Variants in SLC4A1 observed in about 807,000 individuals in gnomAD.
SLC4A1 encodes the protein band 3 anion transport protein.
SLC4A1 carries 29 observed loss-of-function variants against 93.1 expected under a neutral mutation model. The observed-to-expected ratio is 0.31, with a 90% CI of 0.23 to 0.42. The LOEUF (loss-of-function observed/expected upper bound fraction) is 0.42, where lower values mean the gene tolerates loss of function less well. Ranked by LOEUF, SLC4A1 falls within the 20% of genes least tolerant of loss-of-function variation. The probability of loss-of-function intolerance (pLI) is 1.00; values close to 1 mark genes in which losing one functional copy is unlikely to be tolerated. For synonymous variants in SLC4A1, 469 were observed against 497.2 expected (o/e 0.94, Z 0.76); for missense variants, 965 against 1,190.1 (o/e 0.81, Z 2.78).
rs2047431770 is a variant in SLC4A1 at position 44,260,349 on chromosome 17, G to A, written c.485+55C>T. 1.9e-6 allele frequency: 3 copies of A among 1,583,188 alleles called. No homozygotes were observed. In the South Asian group the frequency reaches 3.4e-5, roughly 18 times the overall value. ...CCGGGGGAGAACTTGGGGCAAGTGG[G>A]CTGGGGAAGTGGGCCCACTGGATAT... is the stretch of plus-strand genomic sequence containing the variant. On this transcript the variant is annotated intron_variant, in intron 6 of 19. Transcript: ENST00000262418.
rs28523743 is a variant in SLC4A1 at position 44,265,431 on chromosome 17, G to A, written c.-68-2497C>T. On this transcript the variant is annotated intron_variant, in intron 1 of 19. Transcript: ENST00000262418. ...CTCTCCCAGTCTGGAGTGCAGTGGCGCGATCTTGGCTCACTGCAAGCTCCG... is the reference window on the plus strand; with the variant it reads ...CTCTCCCAGTCTGGAGTGCAGTGGCACGATCTTGGCTCACTGCAAGCTCCG... 9.2e-3 allele frequency among the ~76,000 whole-genome samples: 1,396 copies of A among 152,188 alleles called. 23 individuals are homozygous for A. The highest frequency in any genetic ancestry group is 0.032 in the African/African-American group (1,337 of 41,500).
chr17:44,252,350 G>A (rs1390624690), intron 17 of SLC4A1, among the ~76,000 whole-genome samples: 2 of 152,030 alleles, frequency 1.3e-5, no homozygotes, highest in African/African-American at 2.4e-5. Flanking sequence ...CCTTTTTATA[G>A]GTATTACCCC....
At chr17:44,262,792 C>G (rs757498358) in intron 2 of SLC4A1, 60 bp downstream of exon 2, 10 of 1,609,774 alleles carry the variant, frequency 6.2e-6, no homozygotes, top group Admixed American at 1.7e-5. Flanking sequence ...AGATAGGAGT[C>G]TAGGACCAGG....
rs1429235411 is a variant in SLC4A1 at position 44,261,995 on chromosome 17, C to A, written c.107-359G>T. 12 of 1,204,094 alleles carry A rather than the reference C, an allele frequency of 1.0e-5. No homozygotes were observed. In the African/African-American group the frequency reaches 1.9e-4, roughly 19 times the overall value. The allele number at this position is 1,204,094 out of a possible 1,614,324, so 74.6% of individuals were successfully genotyped here. A position where few individuals can be genotyped will look rare whatever the true frequency, so the allele number is the denominator to read the frequency against. The stretch of plus-strand genomic sequence containing the variant: ...TAGGACCTCCTCCCTCCCCTGCCAC[C>A]TCTGAGACCAGACTCCCTTCTCTCC... On this transcript the variant is annotated intron_variant, in intron 3 of 19. Coordinates refer to ENST00000262418, the MANE Select transcript of SLC4A1 (RefSeq NM_000342.4).
intron 13 of SLC4A1, among the ~76,000 whole-genome samples, chr17:44,256,973 C>T (rs975585548): frequency 6.6e-6 from 1 of 151,602 alleles, no homozygotes; most frequent in African/African-American, 2.4e-5. Flanking sequence ...GACACATGTG[C>T]GAGGACACAA....
rs1567826431 is a variant in SLC4A1 at position 44,248,848 on chromosome 17, C to CA, written c.*1609_*1610insT. 2 of 115,732 alleles carry CA rather than the reference C, an allele frequency of 1.7e-5. No homozygotes were observed. The highest frequency in any genetic ancestry group is 1.1e-4 in the African/African-American group (2 of 19,026). 7.2% of individuals were successfully genotyped at this position (115,732 alleles called of 1,614,324 possible). On this transcript the variant is annotated 3_prime_UTR_variant, in exon 20 of 20. Coordinates refer to ENST00000262418, the MANE Select transcript of SLC4A1 (RefSeq NM_000342.4). ...GGCCCCCAAGGCTGATGTTTCCTTC[C>CA]GTTTTTTTTTTTTTTTTTTTTTTTT... is the stretch of plus-strand genomic sequence containing the variant.
chr17:44,259,946 A>C lies in SLC4A1; in HGVS notation c.486-14T>G. 6.2e-7 allele frequency: 1 copy of C among 1,613,404 alleles called. No homozygotes were observed. The highest frequency in any genetic ancestry group is 1.1e-5 in the South Asian group (1 of 91,074). ...TCTCCAGCGTGGCTGCAGGACGTAC[A>C]GGGGACATGGGCTGAGTAAGCTGTT... On this transcript the variant is annotated splice_polypyrimidine_tract_variant and intron_variant, in intron 6 of 19. Transcript: ENST00000262418.
chr17:44,251,728 T>TG (rs1243875144), intron 17 of SLC4A1, 140 bp from the exon 18 acceptor site: 128 of 657,754 alleles, frequency 1.9e-4, no homozygotes, highest in Admixed American at 7.3e-4. Flanking sequence ...TTCTTTTTTT[T>TG]TTTTTTTTTT....
Position 44,262,770 on chromosome 17 carries a change from C to T in SLC4A1, c.16-44G>A, listed in dbSNP as rs547173260. The T allele has an allele frequency of 2.6e-5, 42 of 1,606,690 alleles. No homozygotes were observed. In the East Asian group the frequency reaches 6.9e-4, roughly 26 times the overall value. ...GAGGCTGGGCTGTGAGGGGCTCTTCCACCCCCAACGAAGATAGGAGTCTAG... is the reference window on the plus strand; with the variant it reads ...GAGGCTGGGCTGTGAGGGGCTCTTCTACCCCCAACGAAGATAGGAGTCTAG... On this transcript the variant is annotated intron_variant, in intron 2 of 19. Coordinates refer to ENST00000262418, the MANE Select transcript of SLC4A1 (RefSeq NM_000342.4).
intron 14 of SLC4A1, 67 bp from the exon 15 acceptor site, chr17:44,255,363 C>A: frequency 8.2e-7 from 1 of 1,215,736 alleles, no homozygotes. Flanking sequence ...TTCCTCCTGC[C>A]CTATATTCAC....
chr17:44,253,683 CT>C lies in SLC4A1; in HGVS notation c.2058-313del, dbSNP rs953477764. 6.6e-5 allele frequency among the ~76,000 whole-genome samples: 10 copies of C among 151,478 alleles called. No homozygotes were observed. In the East Asian group the frequency reaches 1.5e-3, roughly 23 times the overall value. Reference sequence around the variant, plus strand: ...TCATTTTGCATTTTTTTTTCTTTTTCTTTTTTTTCCTAGAGTCTTGCTCTGT... The same window carrying C: ...TCATTTTGCATTTTTTTTTCTTTTTCTTTTTTTCCTAGAGTCTTGCTCTGT... On this transcript the variant is annotated intron_variant, in intron 16 of 19. Coordinates refer to ENST00000262418, the MANE Select transcript of SLC4A1 (RefSeq NM_000342.4).
At chr17:44,263,585 A>G (rs906544617) in intron 1 of SLC4A1, among the ~76,000 whole-genome samples, 3 of 151,578 alleles carry the variant, frequency 2.0e-5, no homozygotes, top group Non-Finnish European at 4.4e-5. Context: ...CCTCCCCCCA[A>G]TACCTCAGAC....
At chr17:44,261,926 CA>C (rs1227594647) in intron 3 of SLC4A1, 2 of 1,131,708 alleles carry the variant, frequency 1.8e-6, no homozygotes, top group Non-Finnish European at 2.3e-6. Flanking sequence ...GGGACCTCTC[CA>C]AGGTGACGGC....
chr17:44,262,591 A>G lies in SLC4A1; in HGVS notation c.106+45T>C, dbSNP rs573561106. On this transcript the variant is annotated intron_variant, in intron 3 of 19. Coordinates refer to ENST00000262418, the MANE Select transcript of SLC4A1 (RefSeq NM_000342.4). Reference sequence around the variant, plus strand: ...ACAAGTGCCCCTCCTGTCCCTGTCTAGGGCTCAGCAGCTCATCCCAGCTGA... The same window carrying G: ...ACAAGTGCCCCTCCTGTCCCTGTCTGGGGCTCAGCAGCTCATCCCAGCTGA... 7.6e-6 allele frequency: 11 copies of G among 1,450,714 alleles called. No individual in the cohort carries two copies. The Admixed American group carries it at 1.7e-4, about 22-fold the overall frequency. 89.9% of individuals were successfully genotyped at this position (1,450,714 alleles called of 1,614,324 possible).
Position 44,258,084 on chromosome 17 carries a change from C to T in SLC4A1, c.1184G>A (p.Ser395Asn). The T allele has an allele frequency of 6.2e-7, 1 of 1,614,098 alleles. No individual in the cohort carries two copies. Among genetic ancestry groups the T allele is most frequent in the Non-Finnish European group, 8.5e-7 (1 of 1,180,014 alleles). ...DIRRRYPYYL[S>N]DITDAFSPQV... Reference sequence around the variant, plus strand: ...GGGGCTGAATGCATCTGTGATGTCACTCAGGTAATAGGGGTAGCGGCGCCG... The same window carrying T: ...GGGGCTGAATGCATCTGTGATGTCATTCAGGTAATAGGGGTAGCGGCGCCG... Residue 395 changes from serine to asparagine, a missense_variant, in exon 11 of 20, where the codon AGT (serine) becomes AAT (asparagine). By Grantham distance (46) the Ser-to-Asn change is conservative. Transcript: ENST00000262418. This position sits in a 1 kb window ranked among gnomAD's most constrained non-coding sequence, Gnocchi z 6.1.
At chr17:44,264,243 T>G (rs1483949567) in intron 1 of SLC4A1, among the ~76,000 whole-genome samples, 2 of 152,162 alleles carry the variant, frequency 1.3e-5, no homozygotes, top group African/African-American at 4.8e-5. Context: ...GCAGATTGCT[T>G]GAGCTCAGGA....
rs1284635709 is a variant in SLC4A1 at position 44,249,006 on chromosome 17, C to T, written c.*1452G>A. The T allele has an allele frequency of 8.7e-6, 3 of 345,566 alleles. No homozygotes were observed. The Admixed American group carries it at 1.2e-4, about 14-fold the overall frequency. 21.4% of individuals were successfully genotyped at this position (345,566 alleles called of 1,614,324 possible). ...TTCTAAGTAGCTGGGATTACAGGTG[C>T]CTGCCACGAGACACCCAGCTAATTT... On this transcript the variant is annotated 3_prime_UTR_variant, in exon 20 of 20. Coordinates refer to ENST00000262418, the MANE Select transcript of SLC4A1 (RefSeq NM_000342.4).
Position 44,251,714 on chromosome 17 carries a change from T to C in SLC4A1, c.2312-126A>G, listed in dbSNP as rs1280999243. On this transcript the variant is annotated intron_variant, in intron 17 of 19. Coordinates refer to ENST00000262418, the MANE Select transcript of SLC4A1 (RefSeq NM_000342.4). ...TATGGAGCCATTTCTTTTTTCCTTTTCTTTTCTTTTTTTTTTTTTTTTTTT... is the reference window on the plus strand; with the variant it reads ...TATGGAGCCATTTCTTTTTTCCTTTCCTTTTCTTTTTTTTTTTTTTTTTTT... 24 of 628,776 alleles carry C rather than the reference T, an allele frequency of 3.8e-5. No individual in the cohort carries two copies. The East Asian group carries it at 6.4e-4, about 17-fold the overall frequency. The allele number at this position is 628,776 out of a possible 1,614,324, so 38.9% of individuals were successfully genotyped here. A position where few individuals can be genotyped will look rare whatever the true frequency, so the allele number is the denominator to read the frequency against.
Position 44,250,511 on chromosome 17 carries a change from A to G in SLC4A1, c.2683T>C (p.Phe895Leu). ...CLDADDAKAT[F>L]DEEEGRDEYD... ...TCATCCCGACCTTCCTCCTCATCAAAGGTTGCCTTGGCATCATCAGCATCC... is the reference window on the plus strand; with the variant it reads ...TCATCCCGACCTTCCTCCTCATCAAGGGTTGCCTTGGCATCATCAGCATCC... Residue 895 changes from phenylalanine (F) to leucine (L), a missense_variant, in exon 20 of 20, where the codon TTT becomes CTT. By Grantham distance (22) the Phe-to-Leu change is conservative. Transcript: ENST00000262418. 1.2e-6 allele frequency: 2 copies of G among 1,613,894 alleles called. No individual in the cohort carries two copies. Among genetic ancestry groups the G allele is most frequent in the Non-Finnish European group, 1.7e-6 (2 of 1,179,930 alleles).
Sources: gnomAD v4.1 joint callset for allele counts (sites outside exome capture counted in the v4.1 genomes callset) on GRCh38, gnomAD v4.1.1 for gene constraint, Gnocchi (gnomAD v3.1) non-coding constraint, MANE v1.5 for transcripts, NCBI Gene and HGNC (gene_info 2026-07-23, HGNC 2026-07-21) for gene names.